Variants in GRIP1 observed in about 807,000 individuals in gnomAD.
GRIP1 encodes glutamate receptor interacting protein 1, also known as glutamate receptor-interacting protein 1.
In GRIP1, 45 loss-of-function variants were observed where a neutral mutation model predicts 129.9. That is an observed-to-expected ratio of 0.35 (90% CI 0.27 to 0.44). The LOEUF (loss-of-function observed/expected upper bound fraction) is 0.44. Among genes scored for constraint, GRIP1 ranks in the 20% least tolerant of loss-of-function variants. The pLI is 1.00. For synonymous variants in GRIP1, 530 were observed against 520.8 expected (o/e 1.02, Z -0.24); for missense variants, 1,196 against 1,396.8 (o/e 0.86, Z 2.29).
Position 67,041,724 on chromosome 12 carries a change from C to T in GRIP1, c.58+27326G>A, listed in dbSNP as rs190803296. Among the ~76,000 whole-genome samples, 307 of 148,700 alleles carry T rather than the reference C, an allele frequency of 2.1e-3. 1 individual carries two copies. Among genetic ancestry groups the T allele is most frequent in the African/African-American group, 6.9e-3 (278 of 40,388 alleles). ...TTGACAACTTTTTTTTGGAGGGGGG[C>T]GGAGCTCTGTTTTAGAAGAAATTTT... is the stretch of plus-strand genomic sequence containing the variant. On this transcript the variant is annotated intron_variant, in intron 1 of 1. Transcript: ENST00000643019.
chr12:67,037,152 C>T (rs1029372079), intron 1 of GRIP1, among the ~76,000 whole-genome samples: 2 of 151,910 alleles, frequency 1.3e-5, no homozygotes, highest in Non-Finnish European at 2.9e-5. Context: ...CACGGTGAAA[C>T]ACCTTCTCTA....
chr12:66,693,475 A>C (rs2035048758), intron 1 of GRIP1, among the ~76,000 whole-genome samples: 1 of 152,068 alleles, frequency 6.6e-6, no homozygotes, highest in Non-Finnish European at 1.5e-5. Context: ...GGGTTCCTTC[A>C]TTCACTGTTA....
At position 66,655,895 on chromosome 12, in the gene GRIP1, G is replaced by A. The variant is rs2033126810; in HGVS notation, c.55+22955C>T. On this transcript the variant is annotated intron_variant, in intron 1 of 24. Coordinates refer to ENST00000359742, the MANE Select transcript of GRIP1 (RefSeq NM_001366722.1). ...ATTACAGGTGTGAGCCACCGCACCT[G>A]GCCTTCTGTACTTTTATGCTTTGAA... Among the ~76,000 whole-genome samples the A allele has an allele frequency of 2.0e-5, 3 of 151,968 alleles. No individual in the cohort carries two copies. In the South Asian group the frequency reaches 6.2e-4, roughly 32 times the overall value.
Position 67,029,907 on chromosome 12 carries a change from TA to T in GRIP1, c.58+39142del, listed in dbSNP as rs889084883. On this transcript the variant is annotated intron_variant, in intron 1 of 1. Transcript: ENST00000643019. The stretch of plus-strand genomic sequence containing the variant: ...TACTAATGTCCAATAAAAATAATAT[TA>T]AAAAAAATCGGCCTGGCGCGGTGGC... 2.6e-5 allele frequency among the ~76,000 whole-genome samples: 4 copies of T among 151,620 alleles called. No homozygotes were observed. In the East Asian group the frequency reaches 5.8e-4, roughly 22 times the overall value.
At chr12:67,059,535 A>AG (rs2043495814) in intron 1 of GRIP1, among the ~76,000 whole-genome samples, 1 of 152,232 alleles carries the variant, frequency 6.6e-6, no homozygotes, top group African/African-American at 2.4e-5. Context: ...GAGCAAAGGA[A>AG]GGGAAAACCC....
chr12:66,943,316 A>G (rs1174524696), intron 1 of GRIP1, among the ~76,000 whole-genome samples: 1 of 152,228 alleles, frequency 6.6e-6, no homozygotes, highest in Non-Finnish European at 1.5e-5. Flanking sequence ...AGCTTGAGAA[A>G]TTCCAGGAAC....
intron 1 of GRIP1, among the ~76,000 whole-genome samples, chr12:66,982,917 T>C (rs1296050079): frequency 2.0e-5 from 3 of 152,208 alleles, no homozygotes; most frequent in Non-Finnish European, 4.4e-5. Flanking sequence ...AGGGGCCATA[T>C]GACTTATAAG....
In GRIP1 at chr12:66,973,752, C is replaced by T. The variant is rs114582360; in HGVS notation, c.58+95298G>A. 5.5e-3 allele frequency among the ~76,000 whole-genome samples: 834 copies of T among 152,076 alleles called. 11 individuals carry two copies. The highest frequency in any genetic ancestry group is 0.019 in the African/African-American group (777 of 41,488). On this transcript the variant is annotated intron_variant, in intron 1 of 1. Transcript: ENST00000643019. ...TACCATATTGCCTTTACCAAGAGTA[C>T]ATATCAGGTACAAGTGCATCAGCTA...
chr12:66,777,830 A>T (rs1421102885), intron 1 of GRIP1, among the ~76,000 whole-genome samples: 1 of 152,204 alleles, frequency 6.6e-6, no homozygotes, highest in African/African-American at 2.4e-5. Context: ...AGAAGGGAAG[A>T]TCAGAAGCAT....
chr12:67,038,846 T>C (rs73318926), intron 1 of GRIP1, among the ~76,000 whole-genome samples: 14 of 152,300 alleles, frequency 9.2e-5, no homozygotes, highest in African/African-American at 3.4e-4. Flanking sequence ...ACAATTGACT[T>C]TTAAAAATAT....
rs558832788 is a variant in GRIP1 at position 66,856,462 on chromosome 12, C to T, written c.58+212588G>A. Among the ~76,000 whole-genome samples the T allele has an allele frequency of 4.2e-3, 644 of 151,930 alleles. 1 individual carries two copies. The highest frequency in any genetic ancestry group is 0.015 in the African/African-American group (619 of 41,456). On this transcript the variant is annotated intron_variant, in intron 1 of 1. Coordinates refer to the GRIP1 transcript ENST00000643019. Reference sequence around the variant, plus strand: ...CCTACAGAATGGGAGAAAATTTTTGCAATCTACTCATCTGACAAAGGGCTA... The same window carrying T: ...CCTACAGAATGGGAGAAAATTTTTGTAATCTACTCATCTGACAAAGGGCTA...
chr12:66,700,163 T>C (rs1378875978), intron 1 of GRIP1, among the ~76,000 whole-genome samples: 2 of 151,714 alleles, frequency 1.3e-5, no homozygotes, highest in Non-Finnish European at 2.9e-5. Context: ...TAAACAAACG[T>C]TAGGAAAATA....
chr12:66,371,952 A>C, intron 22 of GRIP1, 25 bp from the exon 23 acceptor site: 1 of 1,443,774 alleles, frequency 6.9e-7, no homozygotes, highest in Non-Finnish European at 9.7e-7. Context: ...ATTTTTAGAA[A>C]CAATTAAGCC....
intron 1 of GRIP1, among the ~76,000 whole-genome samples, chr12:66,940,432 A>G (rs2041566124): frequency 6.6e-6 from 1 of 152,120 alleles, no homozygotes. Flanking sequence ...CAACCTAGTC[A>G]CGGCCACCTA....
chr12:66,809,748 C>G (rs1030296448), intron 1 of GRIP1, among the ~76,000 whole-genome samples: 1 of 151,894 alleles, frequency 6.6e-6, no homozygotes, highest in African/African-American at 2.4e-5. Flanking sequence ...CAGCCTCCAC[C>G]TCTCAGGGTC....
intron 1 of GRIP1, among the ~76,000 whole-genome samples, chr12:66,914,391 G>T (rs2041084944): frequency 6.6e-6 from 1 of 152,146 alleles, no homozygotes; most frequent in African/African-American, 2.4e-5. Flanking sequence ...TAATGGATAT[G>T]AATTGTGTTA....
intron 1 of GRIP1, among the ~76,000 whole-genome samples, chr12:66,815,452 C>T (rs1308690167): frequency 1.3e-5 from 2 of 152,220 alleles, no homozygotes; most frequent in East Asian, 3.9e-4. Context: ...AGTTCAGGTG[C>T]TTTAACAAAT....
chr12:66,395,553 G>A (rs187680252), intron 16 of GRIP1, among the ~76,000 whole-genome samples: 19 of 152,316 alleles, frequency 1.2e-4, no homozygotes, highest in Admixed American at 9.2e-4. Context: ...TAAAATGAAA[G>A]GTCTATCAAG....
intron 1 of GRIP1, among the ~76,000 whole-genome samples, chr12:66,833,778 G>T (rs889923479): frequency 6.6e-6 from 1 of 152,132 alleles, no homozygotes; most frequent in African/African-American, 2.4e-5. Context: ...CATTAAAAAA[G>T]AAAGTGTAAG....
Sources: gnomAD v4.1 joint callset for allele counts (sites outside exome capture counted in the v4.1 genomes callset) on GRCh38, gnomAD v4.1.1 for gene constraint, MANE v1.5 for transcripts, NCBI Gene and HGNC (gene_info 2026-07-23, HGNC 2026-07-21) for gene names.